DDX25: variants seen among roughly 807,000 people sequenced by gnomAD.
DDX25 encodes the protein ATP-dependent RNA helicase DDX25.
In DDX25, 70 loss-of-function variants were observed where a neutral mutation model predicts 64.6. That is an observed-to-expected ratio of 1.08 (90% CI 0.89 to 1.32). The LOEUF is 1.32. Among genes scored for constraint, DDX25 ranks in the 40% most tolerant of loss-of-function variants. DDX25 has a pLI of 0.00. For synonymous variants in DDX25, 211 were observed against 213.3 expected (o/e 0.99, Z 0.09); for missense variants, 587 against 604.4 (o/e 0.97, Z 0.30).
chr11:125,911,489 G>A lies in DDX25; in HGVS notation c.800+1G>A. On this transcript the variant is annotated splice_donor_variant, in intron 8 of 11. Transcript: ENST00000263576. LOFTEE classifies it high-confidence loss of function. ...CAGATCATAGTATTCGTATTCAAAG[G>A]TAATCTTCAGAGTCTTCCTCTCTTC... The A allele has an allele frequency of 6.2e-7, 1 of 1,613,148 alleles. No individual in the cohort carries two copies. Among genetic ancestry groups the A allele is most frequent in the Non-Finnish European group, 8.5e-7 (1 of 1,179,508 alleles).
chr11:125,905,708 C>A (rs1043261499), intron 3 of DDX25, 111 bp downstream of exon 3: 17 of 1,126,916 alleles, frequency 1.5e-5, no homozygotes, highest in Non-Finnish European at 2.2e-5. Context: ...GTCTTTGCTT[C>A]TGTTTTCTTA....
chr11:125,924,985 T>C lies in DDX25; in HGVS notation c.*2104T>C, dbSNP rs1040267703. On this transcript the variant is annotated 3_prime_UTR_variant, in exon 12 of 12. Transcript: ENST00000263576. ...TCTAAGTGCCCAAGGAACCTTTGTC[T>C]TTGTTGAGTAAATTTTTTTTTCTTT... The C allele has an allele frequency of 6.0e-6, 1 of 167,392 alleles. No homozygotes were observed. Among genetic ancestry groups the C allele is most frequent in the Non-Finnish European group, 1.3e-5 (1 of 76,828 alleles). 10.4% of individuals were successfully genotyped at this position (167,392 alleles called of 1,614,324 possible). A position where few individuals can be genotyped will look rare whatever the true frequency, so the allele number is the denominator to read the frequency against.
chr11:125,908,347 T>C lies in DDX25; in HGVS notation c.405-54T>C, dbSNP rs1430530258. 2.5e-6 allele frequency: 4 copies of C among 1,613,124 alleles called. No individual in the cohort carries two copies. In the East Asian group the frequency reaches 8.9e-5, roughly 36 times the overall value. ...TATGTTTAGTTTCTTATTTTCAGTT[T>C]ATGCCCACTCTCTTGTATTCAGTTT... On this transcript the variant is annotated intron_variant, in intron 5 of 11. Transcript: ENST00000263576.
rs762025546 is a variant in DDX25 at position 125,908,477 on chromosome 11, G to A, written c.481G>A (p.Val161Ile). The A allele has an allele frequency of 3.7e-6, 6 of 1,613,678 alleles. No individual in the cohort carries two copies. The African/African-American group carries it at 8.0e-5, about 22-fold the overall frequency. Residue 161 changes from valine to isoleucine, a missense_variant, in exon 6 of 12, where the codon GTT becomes ATT. By Grantham distance (29) the Val-to-Ile change is conservative (BLOSUM62 3). Coordinates refer to ENST00000263576, the MANE Select transcript of DDX25 (RefSeq NM_013264.5). ...AAFVLAMLSR[V>I]NALELFPQCL... ...ATTTGTGTTGGCAATGTTAAGCAGAGTTAATGCCTTGGAATTGTTCCCACA... is the reference window on the plus strand; with the variant it reads ...ATTTGTGTTGGCAATGTTAAGCAGAATTAATGCCTTGGAATTGTTCCCACA...
intron 4 of DDX25, among the ~76,000 whole-genome samples, chr11:125,907,586 C>T (rs922500034): frequency 1.7e-4 from 26 of 150,892 alleles, no homozygotes; most frequent in African/African-American, 2.7e-4. Context: ...CCAGCCTGGG[C>T]GACAGAGCAA....
chr11:125,906,596 G>A (rs1944891503), intron 4 of DDX25, among the ~76,000 whole-genome samples: 1 of 152,050 alleles, frequency 6.6e-6, no homozygotes, highest in Admixed American at 6.5e-5. Context: ...GAGCTGAGGA[G>A]GGCAGATCGC....
intron 10 of DDX25, among the ~76,000 whole-genome samples, chr11:125,919,267 G>A (rs1945080461): frequency 6.6e-6 from 1 of 152,288 alleles, no homozygotes; most frequent in Non-Finnish European, 1.5e-5. Flanking sequence ...GTGCAGGTCT[G>A]TATTTAGAGA....
At chr11:125,917,313 G>A (rs767615816) in intron 9 of DDX25, 62 bp downstream of exon 9, 90 of 1,464,558 alleles carry the variant, frequency 6.1e-5, no homozygotes, top group Non-Finnish European at 8.0e-5. Context: ...GGTGGGGGAC[G>A]ACAATAAGTG....
intron 10 of DDX25, among the ~76,000 whole-genome samples, chr11:125,919,543 G>GA (rs1167447633): frequency 2.2e-5 from 3 of 138,674 alleles, no homozygotes; most frequent in African/African-American, 5.3e-5. Context: ...GACTACTGGT[G>GA]AAAAAAATCC....
Position 125,918,785 on chromosome 11 carries a change from C to G in DDX25, c.1196C>G (p.Ala399Gly). ...EKVLITTNVC[A>G]RGIDVKQVTI... ...GTTCTCATAACAACTAATGTTTGTG[C>G]CCGAGGTGTGTGTTAAAAGTCAGGT... The change falls in exon 10 of 12, where the codon GCC (alanine) becomes GGC (glycine). Residue 399 changes from alanine to glycine, a missense_variant. Physicochemically the swap from Ala to Gly is moderately conservative, Grantham distance 60 (BLOSUM62 0). Coordinates refer to ENST00000263576, the MANE Select transcript of DDX25 (RefSeq NM_013264.5). 6.4e-7 allele frequency: 1 copy of G among 1,567,086 alleles called. No individual in the cohort carries two copies. The highest frequency in any genetic ancestry group is 8.7e-7 in the Non-Finnish European group (1 of 1,155,444).
rs749449766 is a variant in DDX25 at position 125,911,362 on chromosome 11, C to T, written c.674C>T (p.Thr225Ile). ...CAGATTATAATTGGCACTCCTGGGA[C>T]TGTCCTAGATTGGTGTTTTAAACTA... The part of the protein sequence containing the change: ...TKQIIIGTPG[T>I]VLDWCFKLKL... The change falls in exon 8 of 12, where the codon ACT (threonine) becomes ATT (isoleucine). Residue 225 changes from threonine to isoleucine, a missense_variant. By Grantham distance (89) the Thr-to-Ile change is moderately conservative. Transcript: ENST00000263576. The T allele has an allele frequency of 1.6e-5, 26 of 1,613,656 alleles. 1 individual carries two copies. The highest frequency in any genetic ancestry group is 2.2e-5 in the East Asian group (1 of 44,894).
intron 4 of DDX25, 77 bp downstream of exon 4, chr11:125,906,286 C>A: frequency 2.1e-6 from 3 of 1,426,614 alleles, no homozygotes; most frequent in Non-Finnish European, 2.8e-6. Flanking sequence ...TAGTAAAAAC[C>A]ATCAGGATCT....
At chr11:125,904,832 T>C in intron 1 of DDX25, 1 of 577,874 alleles carries the variant, frequency 1.7e-6, no homozygotes, top group Non-Finnish European at 3.1e-6. Context: ...GGAACGCAGC[T>C]GGTAGTCCCA....
chr11:125,909,651 CTT>C (rs1288646992), intron 6 of DDX25, among the ~76,000 whole-genome samples: 43 of 139,848 alleles, frequency 3.1e-4, no homozygotes, highest in Admixed American at 3.6e-4. Context: ...AATAGGCAGT[CTT>C]TTTTTTTTTT....
rs766014409 is a variant in DDX25 at position 125,917,010 on chromosome 11, A to G, written c.801-4A>G. 2 of 1,582,990 alleles carry G rather than the reference A, an allele frequency of 1.3e-6. No individual in the cohort carries two copies. Among genetic ancestry groups the G allele is most frequent in the East Asian group, 2.3e-5 (1 of 43,880 alleles). On this transcript the variant is annotated splice_polypyrimidine_tract_variant and splice_region_variant and intron_variant, in intron 8 of 11. Coordinates refer to ENST00000263576, the MANE Select transcript of DDX25 (RefSeq NM_013264.5). ...TGGTGACAGCCTTCTCTCCTCTATC[A>G]CAGAGCTCTACCCTCCGAATGCCAA...
In DDX25 at chr11:125,920,923, C is replaced by T. The variant is rs11220275; in HGVS notation, c.1202-268C>T. ...CCTCTCCACCACACACACACATACA[C>T]ACACACACACACACACACACACACA... On this transcript the variant is annotated intron_variant, in intron 10 of 11. Transcript: ENST00000263576. 47 of 97,804 alleles carry T rather than the reference C, an allele frequency of 4.8e-4. No homozygotes were observed. The East Asian group carries it at 7.1e-3, about 15-fold the overall frequency. 6.1% of individuals were successfully genotyped at this position (97,804 alleles called of 1,614,324 possible).
At position 125,905,604 on chromosome 11, in the gene DDX25, G is replaced by A; in HGVS notation, c.175+7G>A. 1.3e-6 allele frequency: 2 copies of A among 1,551,054 alleles called. No homozygotes were observed. Among genetic ancestry groups the A allele is most frequent in the Non-Finnish European group, 1.7e-6 (2 of 1,146,358 alleles). On this transcript the variant is annotated splice_region_variant and intron_variant, in intron 3 of 11. Transcript: ENST00000263576. ...GATGATGAAGAAGATGTAGGTAGGA[G>A]ATGAATTCATTTGCATGTATCTACT...
In DDX25 at chr11:125,917,218, C is replaced by T; in HGVS notation, c.1005C>T (p.Ser335=). The part of the protein sequence containing the change: ...KYQALCNIYG[S]ITIGQAIIFC... ...AAGCTCTGTGCAACATTTATGGCAG[C>T]ATCACCATTGGTCAGGCCATCATCT... The change falls in exon 9 of 12, where the codon AGC becomes AGT. Residue 335 remains serine (S), a synonymous_variant. Coordinates refer to ENST00000263576, the MANE Select transcript of DDX25 (RefSeq NM_013264.5). 3 of 1,609,098 alleles carry T rather than the reference C, an allele frequency of 1.9e-6. No individual in the cohort carries two copies. The highest frequency in any genetic ancestry group is 2.5e-6 in the Non-Finnish European group (3 of 1,177,958).
At chr11:125,913,641 C>T (rs373523486) in intron 8 of DDX25, among the ~76,000 whole-genome samples, 3 of 151,016 alleles carry the variant, frequency 2.0e-5, no homozygotes, top group African/African-American at 4.9e-5. Context: ...TTTTCTCTCG[C>T]GAGAAGCCTT....
Sources: gnomAD v4.1 joint callset for allele counts (sites outside exome capture counted in the v4.1 genomes callset) on GRCh38, gnomAD v4.1.1 for gene constraint, MANE v1.5 for transcripts, NCBI Gene and HGNC (gene_info 2026-07-23, HGNC 2026-07-21) for gene names.